The following NHSL1 variants were observed in gnomAD, a reference collection of about 807,000 sequenced individuals.
NHSL1 encodes NHS-like protein 1.
A neutral mutation model predicts 95.0 loss-of-function variants in NHSL1; 48 were observed. That is an observed-to-expected ratio of 0.51 (90% CI 0.40 to 0.64). The LOEUF (loss-of-function observed/expected upper bound fraction) is 0.64. Ranked by LOEUF, NHSL1 falls within the 30% of genes least tolerant of loss-of-function variation. NHSL1 has a pLI of 0.00. For missense variants in NHSL1, 1,971 were observed against 2,077.7 expected (o/e 0.95, Z 1.00); for synonymous variants, 783 against 833.9 (o/e 0.94, Z 1.05).
Position 138,527,489 on chromosome 6 carries a change from AT to A in NHSL1, c.16+18133del, listed in dbSNP as rs1322260207. Among the ~76,000 whole-genome samples, 3 of 152,326 alleles carry A rather than the reference AT, an allele frequency of 2.0e-5. No homozygotes were observed. In the South Asian group the frequency reaches 6.2e-4, roughly 32 times the overall value. ...CATGAAAACAAATCCCCTCATTTGC[AT>A]CCATGAATAGCGGCTGAATTTATAG... On this transcript the variant is annotated intron_variant, in intron 1 of 4. Transcript: ENST00000342260.
At chr6:138,651,184 C>A (rs956181142) in intron 1 of NHSL1, among the ~76,000 whole-genome samples, 6 of 152,142 alleles carry the variant, frequency 3.9e-5, no homozygotes, top group African/African-American at 1.2e-4. Context: ...ATTGGTATTT[C>A]TTCAGTTTAA....
intron 1 of NHSL1, among the ~76,000 whole-genome samples, chr6:138,660,937 C>T (rs1418250675): frequency 6.6e-6 from 1 of 152,156 alleles, no homozygotes; most frequent in African/African-American, 2.4e-5. Flanking sequence ...ACTAAAACTA[C>T]AAAAATTAGC....
In NHSL1 at chr6:138,656,253, A is replaced by C. The variant is rs963559085; in HGVS notation, c.96+36223T>G. Among the ~76,000 whole-genome samples, 3 of 152,234 alleles carry C rather than the reference A, an allele frequency of 2.0e-5. No homozygotes were observed. In the East Asian group the frequency reaches 5.8e-4, roughly 29 times the overall value. On this transcript the variant is annotated intron_variant, in intron 1 of 3. Coordinates refer to the NHSL1 transcript ENST00000491526. Reference sequence around the variant, plus strand: ...TATAAAACTTTTCTGAAAACTTACGAGTTTCTTTTACAAAATTACAGAAAA... The same window carrying C: ...TATAAAACTTTTCTGAAAACTTACGCGTTTCTTTTACAAAATTACAGAAAA...
At chr6:138,496,403 G>A in intron 1 of NHSL1, 32 bp from the exon 2 acceptor site, 1 of 1,548,208 alleles carries the variant, frequency 6.5e-7, no homozygotes, top group Non-Finnish European at 8.7e-7. Flanking sequence ...ACATTCAGGT[G>A]TCAACTTCAT....
intron 1 of NHSL1, among the ~76,000 whole-genome samples, chr6:138,498,983 T>C (rs1780518258): frequency 1.3e-5 from 2 of 152,138 alleles, no homozygotes; most frequent in Admixed American, 1.3e-4. Flanking sequence ...AAATAAGACA[T>C]GCTAAGATCA....
chr6:138,473,225 G>T, intron 3 of NHSL1, 81 bp downstream of exon 3: 9 of 1,206,094 alleles, frequency 7.5e-6, no homozygotes, highest in Non-Finnish European at 9.7e-6. Context: ...GCTCAATTTT[G>T]ATTTTACCAG....
chr6:138,649,537 G>A (rs78856825), intron 1 of NHSL1, among the ~76,000 whole-genome samples: 8,408 of 151,534 alleles, frequency 0.055, 350 homozygotes, highest in Non-Finnish European at 0.083. Flanking sequence ...GACTAGAGAC[G>A]CTGATCTGCC....
intron 1 of NHSL1, among the ~76,000 whole-genome samples, chr6:138,652,922 G>A (rs1206820901): frequency 1.3e-5 from 2 of 152,036 alleles, no homozygotes; most frequent in African/African-American, 2.4e-5. Flanking sequence ...ACATAAGATC[G>A]GCACTGGGAT....
At chr6:138,672,284 T>C (rs549892215) in intron 1 of NHSL1, among the ~76,000 whole-genome samples, 1 of 152,192 alleles carries the variant, frequency 6.6e-6, no homozygotes, top group East Asian at 1.9e-4. Context: ...AACAGTTACA[T>C]CCTTGAATGC....
chr6:138,536,358 A>G (rs781233660), intron 1 of NHSL1, among the ~76,000 whole-genome samples: 1 of 152,146 alleles, frequency 6.6e-6, no homozygotes, highest in Non-Finnish European at 1.5e-5. Context: ...ACCAACCAAC[A>G]TTGACTTTCT....
intron 2 of NHSL1, among the ~76,000 whole-genome samples, chr6:138,483,325 C>T (rs996460513): frequency 2.0e-5 from 3 of 152,062 alleles, no homozygotes; most frequent in Admixed American, 1.3e-4. Context: ...GATCCACACT[C>T]GCCAAGCGAA....
At chr6:138,511,033 C>T (rs1781197958) in intron 1 of NHSL1, among the ~76,000 whole-genome samples, 1 of 152,002 alleles carries the variant, frequency 6.6e-6, no homozygotes, top group Admixed American at 6.6e-5. Context: ...ATAATTTGGC[C>T]CACACAGAAT....
intron 1 of NHSL1, among the ~76,000 whole-genome samples, chr6:138,659,617 A>G (rs9495188): frequency 0.04 from 6,073 of 152,144 alleles, 313 homozygotes; most frequent in African/African-American, 0.12. Context: ...TGGTAAAAAT[A>G]CTTCATGACG....
At chr6:138,464,066 G>T in intron 3 of NHSL1, 1 of 433,180 alleles carries the variant, frequency 2.3e-6, no homozygotes, top group Non-Finnish European at 4.3e-6. Flanking sequence ...AATGAATGAG[G>T]GGGTGAGCAA....
At chr6:138,688,636 C>G (rs1785619259) in intron 1 of NHSL1, among the ~76,000 whole-genome samples, 1 of 151,946 alleles carries the variant, frequency 6.6e-6, no homozygotes, top group Non-Finnish European at 1.5e-5. Flanking sequence ...GAGTAAGGCT[C>G]CATCTCAAAA....
At chr6:138,454,908 T>A (rs532332232) in intron 3 of NHSL1, among the ~76,000 whole-genome samples, 1 of 152,334 alleles carries the variant, frequency 6.6e-6, no homozygotes, top group African/African-American at 2.4e-5. Flanking sequence ...GTGCTTGGCA[T>A]CATACTGGAA....
chr6:138,438,092 C>G (rs1160048690), intron 5 of NHSL1, among the ~76,000 whole-genome samples: 1 of 152,114 alleles, frequency 6.6e-6, no homozygotes, highest in Admixed American at 6.5e-5. Flanking sequence ...GTTCTACTGT[C>G]GGTAAAATGT....
chr6:138,455,888 AGAC>A (rs1454313097), intron 3 of NHSL1, among the ~76,000 whole-genome samples: 1 of 152,250 alleles, frequency 6.6e-6, no homozygotes, highest in Non-Finnish European at 1.5e-5. Context: ...GTGGAACAAA[AGAC>A]GAGATGATTG....
At chr6:138,535,162 G>A (rs748366953) in intron 1 of NHSL1, among the ~76,000 whole-genome samples, 1 of 152,100 alleles carries the variant, frequency 6.6e-6, no homozygotes, top group Non-Finnish European at 1.5e-5. Flanking sequence ...GTGAAATTCA[G>A]GCCAAGCAGG....
Sources: gnomAD v4.1 joint callset for allele counts (sites outside exome capture counted in the v4.1 genomes callset) on GRCh38, gnomAD v4.1.1 for gene constraint, MANE v1.5 for transcripts, NCBI Gene and HGNC (gene_info 2026-07-23, HGNC 2026-07-21) for gene names.